Variants in CDKAL1 observed in about 807,000 individuals in gnomAD.
CDKAL1 encodes the protein CDKAL1 threonylcarbamoyladenosine tRNA methylthiotransferase, also known as threonylcarbamoyladenosine tRNA methylthiotransferase.
Under a neutral mutation model 68.2 loss-of-function variants are expected in CDKAL1, and 32 were observed. The ratio of observed to expected loss-of-function variants is 0.47; its 90% CI spans 0.35 to 0.63. The LOEUF is 0.63. Ranked by LOEUF, CDKAL1 falls within the 30% of genes least tolerant of loss-of-function variation. The probability of loss-of-function intolerance (pLI) is 0.00; values close to 1 mark genes in which losing one functional copy is unlikely to be tolerated. For missense variants in CDKAL1, 606 were observed against 696.7 expected (o/e 0.87, Z 1.47); for synonymous variants, 234 against 244.3 (o/e 0.96, Z 0.39).
At chr6:20,541,139 T>A (rs1763372978) in intron 2 of CDKAL1, among the ~76,000 whole-genome samples, 1 of 151,120 alleles carries the variant, frequency 6.6e-6, no homozygotes, top group South Asian at 2.1e-4. Context: ...CACAGAACCA[T>A]TTTTTTTTCC....
chr6:20,750,183 G>A (rs904758419), intron 6 of CDKAL1, among the ~76,000 whole-genome samples: 8 of 151,760 alleles, frequency 5.3e-5, no homozygotes, highest in Admixed American at 3.3e-4. Flanking sequence ...ATGTGATCAC[G>A]GCACACTGCA....
chr6:20,874,476 T>G (rs966264422), intron 9 of CDKAL1, among the ~76,000 whole-genome samples: 2 of 152,086 alleles, frequency 1.3e-5, no homozygotes, highest in African/African-American at 4.8e-5. Flanking sequence ...GCTAATTTTT[T>G]TTTGTATTTT....
chr6:20,701,713 T>C (rs1451740395), intron 5 of CDKAL1, among the ~76,000 whole-genome samples: 1 of 152,148 alleles, frequency 6.6e-6, no homozygotes, highest in Non-Finnish European at 1.5e-5. Flanking sequence ...ACCAGAACTT[T>C]GAGTTATGTT....
At chr6:20,719,796 G>A (rs1581440790) in intron 5 of CDKAL1, among the ~76,000 whole-genome samples, 1 of 152,270 alleles carries the variant, frequency 6.6e-6, no homozygotes, top group South Asian at 2.1e-4. Context: ...GAAACTCACA[G>A]ATCTCTCTCT....
chr6:21,084,726 G>A (rs1476366665), intron 12 of CDKAL1, among the ~76,000 whole-genome samples: 3 of 152,128 alleles, frequency 2.0e-5, no homozygotes, highest in African/African-American at 7.2e-5. Context: ...AATATAAAGA[G>A]GTGGAAGAAA....
intron 2 of CDKAL1, among the ~76,000 whole-genome samples, chr6:20,536,116 T>A (rs2127641493): frequency 6.6e-6 from 1 of 151,404 alleles, no homozygotes; most frequent in Admixed American, 6.6e-5. Flanking sequence ...TTTTTTTTTT[T>A]TTGTAGCGAT....
intron 8 of CDKAL1, among the ~76,000 whole-genome samples, chr6:20,791,515 A>G (rs1775898761): frequency 6.6e-6 from 1 of 152,182 alleles, no homozygotes; most frequent in African/African-American, 2.4e-5. Flanking sequence ...GTTAATTGAA[A>G]GGAAAGCCAC....
At chr6:20,631,722 C>A (rs2328529) in intron 4 of CDKAL1, among the ~76,000 whole-genome samples, 28,719 of 152,086 alleles carry the variant, frequency 0.19, 2,808 homozygotes, top group East Asian at 0.35. Flanking sequence ...TAAGTCACTT[C>A]TCTGAGTCAG....
chr6:21,168,815 T>C (rs1420662053), intron 13 of CDKAL1, among the ~76,000 whole-genome samples: 2 of 152,240 alleles, frequency 1.3e-5, no homozygotes, highest in African/African-American at 4.8e-5. Context: ...TTCTGTATTT[T>C]TGTCTTGCTT....
chr6:20,767,609 T>C (rs1165619702), intron 7 of CDKAL1, among the ~76,000 whole-genome samples: 2 of 152,088 alleles, frequency 1.3e-5, no homozygotes, highest in East Asian at 1.9e-4. Flanking sequence ...TCTTGAAAAA[T>C]TGTATTTGAT....
At chr6:21,135,720 A>G (rs749948619) in intron 13 of CDKAL1, 24 of 984,074 alleles carry the variant, frequency 2.4e-5, no homozygotes, top group Admixed American at 6.2e-5. Flanking sequence ...CTGAAAGGGA[A>G]GGTATTCTAA....
chr6:21,182,947 A>G (rs1777847820), intron 13 of CDKAL1, among the ~76,000 whole-genome samples: 1 of 152,148 alleles, frequency 6.6e-6, no homozygotes, highest in Non-Finnish European at 1.5e-5. Flanking sequence ...AATCATTATC[A>G]TTACCATATC....
At chr6:20,868,517 G>A (rs560482562) in intron 9 of CDKAL1, among the ~76,000 whole-genome samples, 14 of 152,342 alleles carry the variant, frequency 9.2e-5, no homozygotes, top group South Asian at 4.1e-4. Flanking sequence ...AGAAGCGGCC[G>A]TGGCAGCAGC....
intron 5 of CDKAL1, among the ~76,000 whole-genome samples, chr6:20,655,111 A>G (rs968991555): frequency 6.6e-6 from 1 of 152,154 alleles, no homozygotes; most frequent in African/African-American, 2.4e-5. Flanking sequence ...CCCAATGTAG[A>G]TATTGAATTA....
intron 13 of CDKAL1, among the ~76,000 whole-genome samples, chr6:21,147,226 A>G (rs887712046): frequency 6.6e-6 from 1 of 152,246 alleles, no homozygotes; most frequent in Non-Finnish European, 1.5e-5. Flanking sequence ...TAAATAAAAA[A>G]GATAATTTTA....
chr6:20,899,273 C>G (rs564392763), intron 9 of CDKAL1, among the ~76,000 whole-genome samples: 1 of 151,982 alleles, frequency 6.6e-6, no homozygotes, highest in East Asian at 2.0e-4. Flanking sequence ...CCATGTTGGC[C>G]AGGATGGTCT....
At chr6:20,762,470 G>T (rs1178551720) in intron 7 of CDKAL1, among the ~76,000 whole-genome samples, 1 of 152,172 alleles carries the variant, frequency 6.6e-6, no homozygotes, top group Non-Finnish European at 1.5e-5. Flanking sequence ...ATGTTTTTGA[G>T]ATCTCTTAGT....
intron 13 of CDKAL1, among the ~76,000 whole-genome samples, chr6:21,114,249 A>G (rs2150999497): frequency 2.6e-5 from 1 of 38,034 alleles, no homozygotes; most frequent in South Asian, 1.0e-3. Context: ...CTCTGTCTCA[A>G]AAAAAAAAAA....
At chr6:20,726,027 T>C (rs1002448922) in intron 5 of CDKAL1, among the ~76,000 whole-genome samples, 23 of 152,222 alleles carry the variant, frequency 1.5e-4, no homozygotes, top group African/African-American at 4.3e-4. Context: ...CGTTTTTTTT[T>C]CTTCCATATC....
Sources: gnomAD v4.1 joint callset for allele counts (sites outside exome capture counted in the v4.1 genomes callset) on GRCh38, gnomAD v4.1.1 for gene constraint, MANE v1.5 for transcripts, NCBI Gene and HGNC (gene_info 2026-07-23, HGNC 2026-07-21) for gene names.